ECT2: variants seen among roughly 807,000 people sequenced by gnomAD.
The protein encoded by ECT2 is protein ECT2.
Under a neutral mutation model 116.9 loss-of-function variants are expected in ECT2, and 61 were observed. The observed-to-expected ratio is 0.52, with a 90% CI of 0.42 to 0.65. The LOEUF (loss-of-function observed/expected upper bound fraction) is 0.65, where lower values mean the gene tolerates loss of function less well. Among genes scored for constraint, ECT2 ranks in the 30% least tolerant of loss-of-function variants. The pLI is 0.00. For synonymous variants in ECT2, 358 were observed against 346.4 expected, an observed-to-expected ratio of 1.03 and a Z score of -0.37; for missense variants, 937 against 1,078.7, an observed-to-expected ratio of 0.87 and a Z score of 1.84.
chr3:172,788,387 C>G (rs902285653), intron 18 of ECT2, among the ~76,000 whole-genome samples: 7 of 152,238 alleles, frequency 4.6e-5, no homozygotes, highest in Admixed American at 2.0e-4. Context: ...TCTTAAACTA[C>G]ACATATTTAA....
downstream of ECT2, among the ~76,000 whole-genome samples, chr3:172,823,933 CTTTTT>C (rs71162315): frequency 2.4e-5 from 3 of 126,638 alleles, no homozygotes; most frequent in Admixed American, 1.6e-4. Flanking sequence ...AAGTTTTTCT[CTTTTT>C]TTTTTTTTTT....
intron 5 of ECT2, among the ~76,000 whole-genome samples, chr3:172,757,887 G>GTATTTATT (rs199782004): frequency 1.3e-5 from 2 of 151,478 alleles, no homozygotes; most frequent in Non-Finnish European, 2.9e-5. Context: ...TTAGCTTTTT[G>GTATTTATT]TATTTATTTA....
chr3:172,775,860 C>G (rs1302872591), intron 14 of ECT2, among the ~76,000 whole-genome samples: 1 of 152,068 alleles, frequency 6.6e-6, no homozygotes, highest in East Asian at 1.9e-4. Flanking sequence ...TCTTGAACTC[C>G]TGACCTCAAG....
At chr3:172,773,800 C>A in intron 13 of ECT2, 103 bp from the exon 14 acceptor site, 3 of 1,146,420 alleles carry the variant, frequency 2.6e-6, no homozygotes, top group Non-Finnish European at 2.5e-6. Context: ...TTTATTATTA[C>A]TTCCTTCTCT....
rs539653854 is a variant in ECT2 at position 172,759,278 on chromosome 3, A to G, written c.576+209A>G. On this transcript the variant is annotated intron_variant, in intron 6 of 24. Coordinates refer to ENST00000392692, the MANE Select transcript of ECT2 (RefSeq NM_001258315.2). ...GTTTTGTCTAGGCTGGCTGATGTGA[A>G]TTAATAGAAAGATTTCATAGCAATT... Among the ~76,000 whole-genome samples, 7 of 152,288 alleles carry G rather than the reference A, an allele frequency of 4.6e-5. No individual in the cohort carries two copies. The South Asian group carries it at 1.2e-3, about 27-fold the overall frequency.
chr3:172,805,622 CTAAA>C (rs1309454121), intron 20 of ECT2, 105 bp from the exon 21 acceptor site: 6 of 1,081,548 alleles, frequency 5.5e-6, no homozygotes, highest in Admixed American at 2.7e-5. Flanking sequence ...CGAATAATAA[CTAAA>C]TAAGTTATAT....
downstream of ECT2, among the ~76,000 whole-genome samples, chr3:172,824,485 G>C (rs1187401088): frequency 6.6e-6 from 1 of 152,146 alleles, no homozygotes; most frequent in Non-Finnish European, 1.5e-5. Flanking sequence ...AAGCATTCAT[G>C]AGAAACTCAC....
intron 13 of ECT2, among the ~76,000 whole-genome samples, chr3:172,773,464 C>A (rs75647384): frequency 6.6e-6 from 1 of 152,032 alleles, no homozygotes; most frequent in South Asian, 2.1e-4. Context: ...ACAAACAGAT[C>A]TTCTAGCTTC....
At position 172,820,318 on chromosome 3, in the gene ECT2, A is replaced by G. The variant is rs546150848; in HGVS notation, c.*81A>G. On this transcript the variant is annotated 3_prime_UTR_variant, in exon 25 of 25. Coordinates refer to ENST00000392692, the MANE Select transcript of ECT2 (RefSeq NM_001258315.2). ...GAAACTGACTTAAATGGTACTTGTA[A>G]TTAGCACTTGGTGAAAGCTGGAAGG... The G allele has an allele frequency of 1.1e-6, 1 of 937,474 alleles. No homozygotes were observed. The highest frequency in any genetic ancestry group is 2.4e-5 in the South Asian group (1 of 41,740). The allele number at this position is 937,474 out of a possible 1,614,324, so 58.1% of individuals were successfully genotyped here. A position where few individuals can be genotyped will look rare whatever the true frequency, so the allele number is the denominator to read the frequency against.
intron 11 of ECT2, among the ~76,000 whole-genome samples, chr3:172,763,566 A>G (rs139032832): frequency 2.6e-5 from 4 of 152,348 alleles, no homozygotes; most frequent in African/African-American, 7.2e-5. Flanking sequence ...ATATTATCCT[A>G]TAACTATTGG....
intron 4 of ECT2, among the ~76,000 whole-genome samples, chr3:172,756,486 A>G (rs6784645): frequency 0.02 from 3,088 of 152,266 alleles, 105 homozygotes; most frequent in African/African-American, 0.07. Context: ...TAAAATGATT[A>G]TGCTGATTTT....
chr3:172,781,346 T>C (rs1274121120), intron 14 of ECT2, among the ~76,000 whole-genome samples: 1 of 152,232 alleles, frequency 6.6e-6, no homozygotes, highest in African/African-American at 2.4e-5. Flanking sequence ...AACAACTGTA[T>C]ACTTGTGAGA....
chr3:172,779,351 CT>C (rs2108622565), intron 14 of ECT2, among the ~76,000 whole-genome samples: 1 of 152,178 alleles, frequency 6.6e-6, no homozygotes, highest in East Asian at 1.9e-4. Context: ...TGTGTGTGGG[CT>C]GTTAAAATAT....
At chr3:172,756,225 A>G (rs1716954922) in intron 4 of ECT2, among the ~76,000 whole-genome samples, 1 of 152,328 alleles carries the variant, frequency 6.6e-6, no homozygotes, top group East Asian at 1.9e-4. Flanking sequence ...TTGGGGGTAC[A>G]TAATTTAGCA....
At position 172,813,896 on chromosome 3, in the gene ECT2, T is replaced by C. The variant is rs533223897; in HGVS notation, c.2401-1708T>C. ...TACAAAACTGAATAATATTCCAGTT[T>C]TGTTATGAAGAACATTTTATACGTG... On this transcript the variant is annotated intron_variant, in intron 22 of 24. Transcript: ENST00000392692. Among the ~76,000 whole-genome samples, 4 of 102,678 alleles carry C rather than the reference T, an allele frequency of 3.9e-5. No individual in the cohort carries two copies. In the South Asian group the frequency reaches 9.5e-4, roughly 24 times the overall value. 67.4% of individuals were successfully genotyped at this position (102,678 alleles called of 152,430 possible).
chr3:172,799,454 CCTAT>C (rs1212690312), intron 18 of ECT2, among the ~76,000 whole-genome samples: 18 of 152,124 alleles, frequency 1.2e-4, no homozygotes, highest in African/African-American at 2.2e-4. Context: ...CCTCTTGATG[CCTAT>C]CTTTTTGGCT....
chr3:172,784,129 T>C (rs1303596955), intron 16 of ECT2, among the ~76,000 whole-genome samples: 6 of 152,070 alleles, frequency 3.9e-5, no homozygotes, highest in Admixed American at 6.6e-5. Context: ...AAGAATGTTA[T>C]ATGTGGTCAT....
chr3:172,804,854 C>T (rs1017005314), intron 20 of ECT2, among the ~76,000 whole-genome samples: 1 of 151,398 alleles, frequency 6.6e-6, no homozygotes, highest in Admixed American at 6.6e-5. Context: ...TCCCAAGTCC[C>T]TGGCTTCTCA....
Position 172,807,796 on chromosome 3 carries a change from G to A in ECT2, c.2272G>A (p.Val758Met), listed in dbSNP as rs1283086794. Residue 758 changes from valine to methionine, a missense_variant, in exon 22 of 25, where the codon GTG becomes ATG. Val to Met is a conservative substitution (Grantham distance 21). Transcript: ENST00000392692. ...EDCHNAFALL[V>M]RPPTEQANVL... Reference sequence around the variant, plus strand: ...TTGCCATAATGCTTTTGCCTTGCTTGTGAGGCCACCAACAGAGCAGGCAAA... The same window carrying A: ...TTGCCATAATGCTTTTGCCTTGCTTATGAGGCCACCAACAGAGCAGGCAAA... 1 of 1,613,310 alleles carries A rather than the reference G, an allele frequency of 6.2e-7. No individual in the cohort carries two copies. Among genetic ancestry groups the A allele is most frequent in the Non-Finnish European group, 8.5e-7 (1 of 1,179,602 alleles).
Sources: gnomAD v4.1 joint callset for allele counts (sites outside exome capture counted in the v4.1 genomes callset) on GRCh38, gnomAD v4.1.1 for gene constraint, MANE v1.5 for transcripts, NCBI Gene and HGNC (gene_info 2026-07-23, HGNC 2026-07-21) for gene names.